Variants in ARHGEF10 observed in about 807,000 individuals in gnomAD.
ARHGEF10 encodes the protein Rho guanine nucleotide exchange factor 10.
Under a neutral mutation model 147.4 loss-of-function variants are expected in ARHGEF10, and 140 were observed. The ratio of observed to expected loss-of-function variants is 0.95; its 90% confidence interval spans 0.83 to 1.09. The LOEUF (loss-of-function observed/expected upper bound fraction) is 1.09. Among genes scored for constraint, ARHGEF10 ranks in the 50% least tolerant of loss-of-function variants. The pLI is 0.00. For synonymous variants in ARHGEF10, 902 were observed against 695.8 expected, an observed-to-expected ratio of 1.30 and a Z score of -4.67; for missense variants, 2,222 against 1,752.7, an observed-to-expected ratio of 1.27 and a Z score of -4.78.
chr8:1,855,197 T>A (rs933911620), intron 2 of ARHGEF10, among the ~76,000 whole-genome samples: 3 of 152,348 alleles, frequency 2.0e-5, no homozygotes, highest in East Asian at 1.9e-4. Context: ...CAAGCTTTTT[T>A]AAAAAACAAT....
chr8:1,875,506 G>A (rs1165482112), intron 7 of ARHGEF10, among the ~76,000 whole-genome samples: 7 of 152,204 alleles, frequency 4.6e-5, no homozygotes, highest in African/African-American at 1.4e-4. Flanking sequence ...GAGCTGAGTT[G>A]CTGAGACTGC....
intron 8 of ARHGEF10, among the ~76,000 whole-genome samples, chr8:1,877,632 G>C (rs1807819388): frequency 6.6e-6 from 1 of 150,966 alleles, no homozygotes; most frequent in Admixed American, 6.7e-5. Flanking sequence ...GTGAATTCTG[G>C]AATTGGGTGG....
chr8:1,874,541 G>A (rs921057593), intron 7 of ARHGEF10, among the ~76,000 whole-genome samples: 34 of 152,364 alleles, frequency 2.2e-4, no homozygotes, highest in Middle Eastern at 6.8e-3. Flanking sequence ...AGATGGATGC[G>A]AGGAAATAGG....
Position 1,884,315 on chromosome 8 carries a change from G to C in ARHGEF10, c.1076-1286G>C, listed in dbSNP as rs563569055. Among the ~76,000 whole-genome samples the C allele has an allele frequency of 5.9e-5, 9 of 151,768 alleles. No homozygotes were observed. The East Asian group carries it at 1.8e-3, about 30-fold the overall frequency. On this transcript the variant is annotated intron_variant, in intron 10 of 28. Coordinates refer to ENST00000349830, the MANE Select transcript of ARHGEF10 (RefSeq NM_014629.4). ...GGAGGCTGAGGCAGGAGAATGGCGT[G>C]AACCCGGGAGGCGGAGCTTGCAGTG...
chr8:1,882,608 G>C lies in ARHGEF10; in HGVS notation c.961-27G>C, dbSNP rs368880314. On this transcript the variant is annotated intron_variant, in intron 9 of 28. Transcript: ENST00000349830. Reference sequence around the variant, plus strand: ...CGCAGGTGGGTTCTGCCGCCGTCCCGTTCTCACATCTCCCTCTCCGTCGCA... The same window carrying C: ...CGCAGGTGGGTTCTGCCGCCGTCCCCTTCTCACATCTCCCTCTCCGTCGCA... The C allele has an allele frequency of 3.7e-5, 57 of 1,543,316 alleles. No individual in the cohort carries two copies. The African/African-American group carries it at 6.4e-4, about 17-fold the overall frequency.
intron 1 of ARHGEF10, among the ~76,000 whole-genome samples, chr8:1,835,907 C>T (rs556290472): frequency 5.3e-5 from 8 of 152,178 alleles, no homozygotes; most frequent in Non-Finnish European, 1.2e-4. Flanking sequence ...CCAGGCCAGG[C>T]GCCGTGGCTC....
rs1810818498 is a variant in ARHGEF10 at position 1,905,560 on chromosome 8, T to C, written c.1822-11T>C. On this transcript the variant is annotated splice_polypyrimidine_tract_variant and intron_variant, in intron 16 of 28. Coordinates refer to ENST00000349830, the MANE Select transcript of ARHGEF10 (RefSeq NM_014629.4). ...GAACTGTGGTCCCTGGGCTGTGTTT[T>C]GAATGTCCAGCTTCTCAGCAGTGGA... The C allele has an allele frequency of 6.2e-7, 1 of 1,614,216 alleles. No homozygotes were observed. Among genetic ancestry groups the C allele is most frequent in the African/African-American group, 1.3e-5 (1 of 75,050 alleles).
chr8:1,924,209 T>C (rs952219396), intron 21 of ARHGEF10, among the ~76,000 whole-genome samples: 4 of 152,024 alleles, frequency 2.6e-5, no homozygotes, highest in African/African-American at 9.7e-5. Flanking sequence ...GCGGCGGCCT[T>C]CAAATGGCAG....
At chr8:1,863,190 C>T (rs898142385) in intron 4 of ARHGEF10, among the ~76,000 whole-genome samples, 2 of 152,136 alleles carry the variant, frequency 1.3e-5, no homozygotes, top group Non-Finnish European at 2.9e-5. Flanking sequence ...CTGACACCTG[C>T]CACTCAGGAA....
At chr8:1,844,501 A>AGGGGT (rs1804391841) in intron 2 of ARHGEF10, among the ~76,000 whole-genome samples, 1 of 83,790 alleles carries the variant, frequency 1.2e-5, no homozygotes, top group Non-Finnish European at 2.6e-5. Context: ...CAGCGACACC[A>AGGGGT]CAGGGGCCAG....
At chr8:1,826,533 G>A (rs74987216) in intron 1 of ARHGEF10, among the ~76,000 whole-genome samples, 7,803 of 152,168 alleles carry the variant, frequency 0.051, 207 homozygotes, top group South Asian at 0.096. Context: ...CTTTTCCCTG[G>A]CCCTGTGAGT....
Position 1,929,357 on chromosome 8 carries a change from C to T in ARHGEF10, c.2993C>T (p.Ser998Phe). Residue 998 changes from serine to phenylalanine, a missense_variant, in exon 25 of 29, where the codon TCC (serine) becomes TTC (phenylalanine). Physicochemically the swap from Ser to Phe is radical, Grantham distance 155. Transcript: ENST00000349830. ...RLQHFFTPEK[S>F]TVMSLACTSQ... is the part of the protein sequence containing the mutation. ...CAGCACTTTTTCACTCCTGAGAAGT[C>T]CACAGTCATGAGCCTGGCTTGCACG... The T allele has an allele frequency of 6.2e-7, 1 of 1,613,952 alleles. No homozygotes were observed. Among genetic ancestry groups the T allele is most frequent in the Non-Finnish European group, 8.5e-7 (1 of 1,180,056 alleles).
In ARHGEF10 at chr8:1,928,368, C is replaced by A. The variant is rs765745684; in HGVS notation, c.2698-59C>A. Reference sequence around the variant, plus strand: ...GTGGCCTTTAAGGGTCAGGTTCCAGCGTATTATGGAAGCCGCCACATGGTC... The same window carrying A: ...GTGGCCTTTAAGGGTCAGGTTCCAGAGTATTATGGAAGCCGCCACATGGTC... On this transcript the variant is annotated intron_variant, in intron 23 of 28. Coordinates refer to ENST00000349830, the MANE Select transcript of ARHGEF10 (RefSeq NM_014629.4). 19 of 1,510,176 alleles carry A rather than the reference C, an allele frequency of 1.3e-5. No individual in the cohort carries two copies. In the East Asian group the frequency reaches 3.8e-4, roughly 30 times the overall value. The allele number at this position is 1,510,176 out of a possible 1,614,324, so 93.5% of individuals were successfully genotyped here. A position where few individuals can be genotyped will look rare whatever the true frequency, so the allele number is the denominator to read the frequency against.
chr8:1,826,887 A>T (rs1802803875), intron 1 of ARHGEF10, among the ~76,000 whole-genome samples: 1 of 152,252 alleles, frequency 6.6e-6, no homozygotes, highest in African/African-American at 2.4e-5. Flanking sequence ...AGGGAAGCGT[A>T]GCTGTTAGTC....
intron 11 of ARHGEF10, among the ~76,000 whole-genome samples, chr8:1,892,183 G>A (rs1809584774): frequency 6.6e-6 from 1 of 151,710 alleles, no homozygotes; most frequent in Non-Finnish European, 1.5e-5. Flanking sequence ...TGGCCTTTGG[G>A]TTCTAAGCTC....
intron 1 of ARHGEF10, among the ~76,000 whole-genome samples, chr8:1,839,983 T>C (rs557415899): frequency 3.7e-3 from 526 of 141,562 alleles, no homozygotes; most frequent in East Asian, 9.9e-3. Flanking sequence ...GGAAGCTGTC[T>C]GGTGTGGGGA....
intron 8 of ARHGEF10, among the ~76,000 whole-genome samples, chr8:1,877,645 G>A (rs1331490793): frequency 6.6e-6 from 1 of 151,270 alleles, no homozygotes; most frequent in East Asian, 2.0e-4. Context: ...TTGGGTGGTT[G>A]TGAGTCATGG....
intron 1 of ARHGEF10, among the ~76,000 whole-genome samples, chr8:1,832,629 G>T (rs1483466670): frequency 1.9e-5 from 2 of 106,876 alleles, no homozygotes; most frequent in African/African-American, 7.5e-5. Flanking sequence ...GGCAGAGAGA[G>T]ACAGAGGCAG....
At chr8:1,954,971 GGT>G (rs1815368273) in intron 28 of ARHGEF10, among the ~76,000 whole-genome samples, 1 of 148,994 alleles carries the variant, frequency 6.7e-6, no homozygotes, top group Non-Finnish European at 1.5e-5. Flanking sequence ...CCTGAAAGGA[GGT>G]GCACTCTCAC....
Sources: gnomAD v4.1 joint callset for allele counts (sites outside exome capture counted in the v4.1 genomes callset) on GRCh38, gnomAD v4.1.1 for gene constraint, MANE v1.5 for transcripts, NCBI Gene and HGNC (gene_info 2026-07-23, HGNC 2026-07-21) for gene names.